The following ARHGAP6 variants were observed in gnomAD, a reference collection of about 807,000 sequenced individuals.
The protein encoded by ARHGAP6 is Rho GTPase activating protein 6, also known as rho GTPase-activating protein 6.
Under a neutral mutation model 55.7 loss-of-function variants are expected in ARHGAP6, and 16 were observed. The ratio of observed to expected loss-of-function variants is 0.29; its 90% CI spans 0.19 to 0.44. ARHGAP6 has a LOEUF of 0.44. Ranked by LOEUF, ARHGAP6 falls within the 20% of genes least tolerant of loss-of-function variation. The probability of loss-of-function intolerance (pLI) is 1.00; values close to 1 mark genes in which losing one functional copy is unlikely to be tolerated. For missense variants in ARHGAP6, 698 were observed against 808.9 expected, an observed-to-expected ratio of 0.86 and a Z score of 1.66; for synonymous variants, 382 against 360.9, an observed-to-expected ratio of 1.06 and a Z score of -0.66.
At chrX:11,384,451 C>A (rs980957674) in intron 1 of ARHGAP6, among the ~76,000 whole-genome samples, 2 of 112,176 alleles carry the variant, frequency 1.8e-5, no homozygotes, top group Non-Finnish European at 3.8e-5. Flanking sequence ...CATGAGAACA[C>A]ATATACTCAA....
At chrX:11,381,918 C>G (rs1229210889) in intron 1 of ARHGAP6, among the ~76,000 whole-genome samples, 1 of 112,026 alleles carries the variant, frequency 8.9e-6, no homozygotes, top group African/African-American at 3.2e-5. Context: ...GGTCTTCTTA[C>G]TTTCTTTACA....
intron 1 of ARHGAP6, among the ~76,000 whole-genome samples, chrX:11,559,655 C>T (rs1383648025): frequency 1.8e-5 from 2 of 111,122 alleles, no homozygotes; most frequent in South Asian, 3.8e-4. Context: ...GGGCCGGGCG[C>T]GGTGGCTCAC....
intron 1 of ARHGAP6, among the ~76,000 whole-genome samples, chrX:11,503,069 C>T (rs1256892594): frequency 5.5e-5 from 6 of 109,887 alleles, no homozygotes; most frequent in African/African-American, 9.9e-5. Flanking sequence ...CTAATTTTTG[C>T]ATTTTTAGTA....
At chrX:11,171,358 A>ACTAT (rs1356382260) in intron 8 of ARHGAP6, among the ~76,000 whole-genome samples, 5 of 107,830 alleles carry the variant, frequency 4.6e-5, no homozygotes, top group African/African-American at 6.8e-5. Context: ...TAACTTGCTT[A>ACTAT]CTATCTCTTA....
rs191841943 is a variant in ARHGAP6 at position 11,591,945 on chromosome X, C to T, written c.588+72296G>A. 3.6e-3 allele frequency among the ~76,000 whole-genome samples: 398 copies of T among 111,743 alleles called. 1 individual carries two copies. Among genetic ancestry groups the T allele is most frequent in the Middle Eastern group, 0.014 (3 of 217 alleles). On this transcript the variant is annotated intron_variant, in intron 1 of 12. Transcript: ENST00000337414. ...TTCTTTTTTTACACTTCACAATGAT[C>T]TGCAACTTTTCTACCTCAACAAATT... is the stretch of plus-strand genomic sequence containing the variant.
Position 11,578,100 on chromosome X carries a change from T to C in ARHGAP6, c.588+86141A>G, listed in dbSNP as rs189399858. ...AAACAGAAGATATTTTTATACTCTT[T>C]AAGCAGTGGCTTAAAATGGAGGTCT... On this transcript the variant is annotated intron_variant, in intron 1 of 12. Transcript: ENST00000337414. Among the ~76,000 whole-genome samples the C allele has an allele frequency of 4.5e-3, 508 of 111,850 alleles. 4 individuals carry two copies. Among genetic ancestry groups the C allele is most frequent in the Non-Finnish European group, 5.4e-3 (285 of 53,123 alleles).
chrX:11,664,874 A>G lies in ARHGAP6; in HGVS notation c.-46T>C. 9.0e-7 allele frequency: 1 copy of G among 1,105,713 alleles called. No homozygotes were observed. 91.1% of individuals were successfully genotyped at this position (1,105,713 alleles called of 1,213,427 possible). Reference sequence around the variant, plus strand: ...GGACCACCTCCTCCTCCCTCCCTGGACGCTGGTGGCTTTGGGTCGGGAACC... The same window carrying G: ...GGACCACCTCCTCCTCCCTCCCTGGGCGCTGGTGGCTTTGGGTCGGGAACC... On this transcript the variant is annotated 5_prime_UTR_variant, in exon 1 of 13. Coordinates refer to ENST00000337414, the MANE Select transcript of ARHGAP6 (RefSeq NM_013427.3).
At chrX:11,186,599 C>A (rs935728372) in intron 4 of ARHGAP6, among the ~76,000 whole-genome samples, 168 bp from the exon 5 acceptor site, 5 of 112,021 alleles carry the variant, frequency 4.5e-5, no homozygotes, top group African/African-American at 1.6e-4. Flanking sequence ...AAAAAAGATG[C>A]CTTTTGAAAA....
At chrX:11,187,433 C>T (rs2046399925) in intron 4 of ARHGAP6, among the ~76,000 whole-genome samples, 1 of 111,526 alleles carries the variant, frequency 9.0e-6, no homozygotes. Flanking sequence ...TCCTACATTC[C>T]CAGAAAGCTA....
intron 9 of ARHGAP6, 113 bp from the exon 10 acceptor site, chrX:11,156,739 C>A (rs2045869732): frequency 1.8e-6 from 1 of 561,975 alleles, no homozygotes; most frequent in Non-Finnish European, 2.9e-6. Context: ...TGCAAGACAG[C>A]AGAATGATTT....
chrX:11,569,122 G>A (rs1268158848), intron 1 of ARHGAP6, among the ~76,000 whole-genome samples: 2 of 111,629 alleles, frequency 1.8e-5, no homozygotes, highest in African/African-American at 6.5e-5. Flanking sequence ...TACACTAGTC[G>A]TTCTTAAGTG....
intron 1 of ARHGAP6, among the ~76,000 whole-genome samples, chrX:11,299,980 T>C (rs2048149078): frequency 8.9e-6 from 1 of 112,269 alleles, no homozygotes; most frequent in East Asian, 2.8e-4. Flanking sequence ...AAAAAAATCA[T>C]AATATATGTC....
At chrX:11,593,539 C>T (rs1285097237) in intron 1 of ARHGAP6, among the ~76,000 whole-genome samples, 1 of 111,736 alleles carries the variant, frequency 8.9e-6, no homozygotes, top group Non-Finnish European at 1.9e-5. Flanking sequence ...TCCAAATTCA[C>T]AGAATGTACA....
intron 10 of ARHGAP6, chrX:11,148,657 G>A (rs765781400): frequency 4.0e-5 from 15 of 373,205 alleles, no homozygotes; most frequent in East Asian, 1.5e-4. Context: ...AGGTCAGGGC[G>A]TAAACATGCT....
intron 1 of ARHGAP6, among the ~76,000 whole-genome samples, chrX:11,259,458 A>T (rs2047531153): frequency 8.9e-6 from 1 of 112,148 alleles, no homozygotes; most frequent in Non-Finnish European, 1.9e-5. Context: ...GCTTGAATAG[A>T]TTCTAGTTTG....
chrX:11,310,312 A>G (rs2048286182), intron 1 of ARHGAP6, among the ~76,000 whole-genome samples: 1 of 110,724 alleles, frequency 9.0e-6, no homozygotes, highest in African/African-American at 3.3e-5. Context: ...TATACTCAGC[A>G]ATTCAACTTT....
intron 10 of ARHGAP6, chrX:11,148,753 C>T (rs777474007): frequency 3.3e-5 from 12 of 363,244 alleles, no homozygotes; most frequent in South Asian, 1.5e-4. Flanking sequence ...GTTCAATCAC[C>T]GGATGGGGCC....
At position 11,470,679 on chromosome X, in the gene ARHGAP6, G is replaced by T. The variant is rs144599776; in HGVS notation, c.588+193562C>A. On this transcript the variant is annotated intron_variant, in intron 1 of 12. Coordinates refer to ENST00000337414, the MANE Select transcript of ARHGAP6 (RefSeq NM_013427.3). ...GAGTAGATTTAGCTTGGTCGTGCAG[G>T]ACACTTTCCCTTAACTTACTGAGGT... Among the ~76,000 whole-genome samples, 3 of 112,191 alleles carry T rather than the reference G, an allele frequency of 2.7e-5. No individual in the cohort carries two copies. The East Asian group carries it at 8.4e-4, about 31-fold the overall frequency.
chrX:11,340,030 G>A (rs961581773), intron 1 of ARHGAP6, among the ~76,000 whole-genome samples: 1 of 111,618 alleles, frequency 9.0e-6, no homozygotes, highest in Non-Finnish European at 1.9e-5. Context: ...CATCTCCACA[G>A]CTGCTGCCAA....
Sources: allele counts gnomAD v4.1 joint callset (sites outside exome capture counted in the v4.1 genomes callset), GRCh38; gene constraint gnomAD v4.1.1; transcripts MANE v1.5; gene names NCBI Gene and HGNC (gene_info 2026-07-23, HGNC 2026-07-21).